Variants in GYS2 observed in about 807,000 individuals in gnomAD.
GYS2 encodes glycogen [starch] synthase, liver.
Under a neutral mutation model 85.6 loss-of-function variants are expected in GYS2, and 80 were observed. The ratio of observed to expected loss-of-function variants is 0.93; its 90% CI spans 0.78 to 1.13. The LOEUF is 1.13. Ranked by LOEUF, GYS2 falls within the 50% of genes most tolerant of loss-of-function variation. The pLI, the probability that GYS2 is intolerant of heterozygous loss-of-function variation, is 0.00. For missense variants in GYS2, 881 were observed against 854.9 expected (o/e 1.03, Z -0.38); for synonymous variants, 328 against 300.7 (o/e 1.09, Z -0.94).
At chr12:21,559,498 G>A (rs1456117415) in intron 9 of GYS2, among the ~76,000 whole-genome samples, 153 bp downstream of exon 9, 1 of 152,070 alleles carries the variant, frequency 6.6e-6, no homozygotes, top group Non-Finnish European at 1.5e-5. Context: ...GTCAAATGAA[G>A]GGTAAAATAC....
intron 1 of GYS2, among the ~76,000 whole-genome samples, chr12:21,592,601 C>T (rs991632170): frequency 6.6e-6 from 1 of 152,016 alleles, no homozygotes; most frequent in South Asian, 2.1e-4. Flanking sequence ...CAATTCTAAA[C>T]ATTCACACTC....
intron 4 of GYS2, among the ~76,000 whole-genome samples, chr12:21,569,750 G>C (rs1216367053): frequency 6.6e-6 from 1 of 152,204 alleles, no homozygotes; most frequent in Admixed American, 6.5e-5. Context: ...CTGACATTAT[G>C]TAAGTAGGGT....
chr12:21,573,004 A>G (rs752711540), intron 4 of GYS2, among the ~76,000 whole-genome samples: 1 of 152,198 alleles, frequency 6.6e-6, no homozygotes, highest in Admixed American at 6.5e-5. Context: ...AGAACCTCCC[A>G]GATCCCCAGG....
Position 21,580,336 on chromosome 12 carries a change from CT to C in GYS2, c.303+5del. On this transcript the variant is annotated splice_donor_5th_base_variant and intron_variant, in intron 2 of 15. Transcript: ENST00000261195. ...GAATTGCCAAGTGAAGTGTCAGTTCCTTTACCTGGCAGCCATGCTTATTCAT... is the reference window on the plus strand; with the variant it reads ...GAATTGCCAAGTGAAGTGTCAGTTCCTTACCTGGCAGCCATGCTTATTCAT... 6.2e-7 allele frequency: 1 copy of C among 1,612,110 alleles called. No individual in the cohort carries two copies.
chr12:21,562,599 T>A (rs1194335082), intron 7 of GYS2, among the ~76,000 whole-genome samples: 1 of 149,062 alleles, frequency 6.7e-6, no homozygotes, highest in Non-Finnish European at 1.5e-5. Flanking sequence ...TACAAACTCA[T>A]GTGAGGGAAA....
chr12:21,581,765 G>A (rs1393328576), intron 1 of GYS2, among the ~76,000 whole-genome samples: 1 of 152,176 alleles, frequency 6.6e-6, no homozygotes, highest in East Asian at 1.9e-4. Context: ...TGAAAAGGAT[G>A]TTTACTAAAG....
chr12:21,541,268 C>CAAAAAAA lies in GYS2; in HGVS notation c.1646-702_1646-696dup, dbSNP rs3832848. Among the ~76,000 whole-genome samples, 46 of 46,318 alleles carry CAAAAAAA rather than the reference C, an allele frequency of 9.9e-4. 11 individuals are homozygous for CAAAAAAA. The highest frequency in any genetic ancestry group is 3.7e-3 in the East Asian group (4 of 1,078). The allele number at this position is 46,318 out of a possible 152,430, so 30.4% of individuals were successfully genotyped here. A position where few individuals can be genotyped will look rare whatever the true frequency, so the allele number is the denominator to read the frequency against. On this transcript the variant is annotated intron_variant, in intron 13 of 15. Coordinates refer to ENST00000261195, the MANE Select transcript of GYS2 (RefSeq NM_021957.4). Reference sequence around the variant, plus strand: ...GGGCAACAGAGTGAGACCATGTTTCCAAAAAAAAAAAAAAAAAAAAAAACA... The same window carrying CAAAAAAA: ...GGGCAACAGAGTGAGACCATGTTTCCAAAAAAAAAAAAAAAAAAAAAAAAAAAAAACA...
chr12:21,575,752 A>G, intron 3 of GYS2, 114 bp downstream of exon 3: 2 of 824,548 alleles, frequency 2.4e-6, no homozygotes, highest in Non-Finnish European at 4.2e-6. Flanking sequence ...TATTAGGACA[A>G]GCCATAATGG....
At chr12:21,581,251 C>G (rs963354207) in intron 1 of GYS2, among the ~76,000 whole-genome samples, 19 of 152,176 alleles carry the variant, frequency 1.2e-4, no homozygotes, top group African/African-American at 4.6e-4. Context: ...GAAGTAAAAA[C>G]TAAAAGGCAG....
chr12:21,592,288 C>T (rs1375485502), intron 1 of GYS2, among the ~76,000 whole-genome samples: 1 of 151,304 alleles, frequency 6.6e-6, no homozygotes, highest in Non-Finnish European at 1.5e-5. Flanking sequence ...TAAGCTCTCA[C>T]ATGTCAATAA....
intron 1 of GYS2, among the ~76,000 whole-genome samples, chr12:21,596,173 C>G (rs1370944407): frequency 6.6e-6 from 1 of 151,974 alleles, no homozygotes; most frequent in Non-Finnish European, 1.5e-5. Flanking sequence ...TTCTACTAGA[C>G]ATTCAAAGAG....
chr12:21,596,468 A>T (rs1303014020), intron 1 of GYS2, among the ~76,000 whole-genome samples: 1 of 152,114 alleles, frequency 6.6e-6, no homozygotes, highest in Non-Finnish European at 1.5e-5. Context: ...TAAGTGTGAT[A>T]CACCACATAA....
At chr12:21,593,618 G>C (rs576246582) in intron 1 of GYS2, among the ~76,000 whole-genome samples, 1 of 151,954 alleles carries the variant, frequency 6.6e-6, no homozygotes, top group Non-Finnish European at 1.5e-5. Flanking sequence ...AATTGAATCA[G>C]TAGTAAAAAG....
intron 8 of GYS2, among the ~76,000 whole-genome samples, chr12:21,560,128 T>C (rs1014381353): frequency 1.3e-5 from 2 of 152,208 alleles, no homozygotes; most frequent in Non-Finnish European, 2.9e-5. Context: ...TTAAAAAATG[T>C]TTGACTCATC....
At chr12:21,552,855 C>CA (rs896728274) in intron 11 of GYS2, among the ~76,000 whole-genome samples, 1 of 152,130 alleles carries the variant, frequency 6.6e-6, no homozygotes, top group African/African-American at 2.4e-5. Context: ...GCTAACACGT[C>CA]ATCTCTTTTA....
intron 3 of GYS2, among the ~76,000 whole-genome samples, chr12:21,574,551 G>T (rs564415779): frequency 8.5e-5 from 13 of 152,130 alleles, no homozygotes; most frequent in African/African-American, 2.7e-4. Flanking sequence ...TGATGGAGCA[G>T]ATTTTTTATA....
At chr12:21,576,271 T>G (rs140625274) in intron 2 of GYS2, among the ~76,000 whole-genome samples, 2 of 152,322 alleles carry the variant, frequency 1.3e-5, no homozygotes, top group African/African-American at 4.8e-5. Context: ...AAATTCTTGC[T>G]CTTCATTAAA....
At chr12:21,533,473 T>C (rs1943883617), downstream of GYS2, among the ~76,000 whole-genome samples, 1 of 152,262 alleles carries the variant, frequency 6.6e-6, no homozygotes, top group Admixed American at 6.5e-5. Flanking sequence ...GGTCGCTTCA[T>C]ACTGGGCTAT....
intron 1 of GYS2, among the ~76,000 whole-genome samples, chr12:21,596,116 A>G (rs1944693547): frequency 6.6e-6 from 1 of 152,108 alleles, no homozygotes; most frequent in Non-Finnish European, 1.5e-5. Context: ...TAATTAAAAA[A>G]TTACCAACCA....
Sources: allele counts gnomAD v4.1 joint callset (sites outside exome capture counted in the v4.1 genomes callset), GRCh38; gene constraint gnomAD v4.1.1; transcripts MANE v1.5; gene names NCBI Gene and HGNC (gene_info 2026-07-23, HGNC 2026-07-21).